The following PML variants were observed in gnomAD, a reference collection of about 807,000 sequenced individuals.
PML encodes the protein PML nuclear body scaffold, also known as protein PML.
Under a neutral mutation model 65.2 loss-of-function variants are expected in PML, and 28 were observed. The observed-to-expected ratio is 0.43, with a 90% CI of 0.32 to 0.59. The LOEUF (loss-of-function observed/expected upper bound fraction) is 0.59, where lower values mean the gene tolerates loss of function less well. Ranked by LOEUF, PML falls within the 20% of genes least tolerant of loss-of-function variation. The probability of loss-of-function intolerance (pLI) is 0.08; values close to 1 mark genes in which losing one functional copy is unlikely to be tolerated. For missense variants in PML, 1,021 were observed against 1,203.4 expected, an observed-to-expected ratio of 0.85 and a Z score of 2.24; for synonymous variants, 500 against 508.8, an observed-to-expected ratio of 0.98 and a Z score of 0.23.
rs767871709 is a variant in PML at position 74,033,194 on chromosome 15, C to T, written c.1437C>T (p.Cys479=). The T allele has an allele frequency of 2.5e-5, 40 of 1,614,040 alleles. No individual in the cohort carries two copies. In the South Asian group the frequency reaches 4.1e-4, roughly 16 times the overall value. The change falls in exon 6 of 9, where the codon TGC becomes TGT. Residue 479 remains cysteine, a synonymous_variant. Transcript: ENST00000268058. ...SNTTTAQKRK[C]SQTQCPRKVI... is the part of the protein sequence containing the mutation. ...CAACGACAGCCCAGAAGAGGAAGTGCAGCCAGACCCAGTGCCCCAGGAAGG... is the reference window on the plus strand; with the variant it reads ...CAACGACAGCCCAGAAGAGGAAGTGTAGCCAGACCCAGTGCCCCAGGAAGG...
rs1314492443 is a variant in PML at position 74,013,425 on chromosome 15, T to C, written c.603-9403T>C. 1.3e-5 allele frequency among the ~76,000 whole-genome samples: 2 copies of C among 152,222 alleles called. 1 individual carries two copies. Among genetic ancestry groups the C allele is most frequent in the Non-Finnish European group, 2.9e-5 (2 of 68,042 alleles). On this transcript the variant is annotated intron_variant, in intron 2 of 8. Coordinates refer to ENST00000268058, the MANE Select transcript of PML (RefSeq NM_033238.3). ...TGATACATATTTTTATAAAAGTGCT[T>C]GAGAATATCAGAATTATTTATGTCA...
In PML at chr15:74,018,461, C is replaced by A. The variant is rs930321715; in HGVS notation, c.603-4367C>A. On this transcript the variant is annotated intron_variant, in intron 2 of 8. Coordinates refer to ENST00000268058, the MANE Select transcript of PML (RefSeq NM_033238.3). Reference sequence around the variant, plus strand: ...ATAATCTTATAATATTTAGTCTTATCTCTTAGTAGGTTTTTGTCATTTTCT... The same window carrying A: ...ATAATCTTATAATATTTAGTCTTATATCTTAGTAGGTTTTTGTCATTTTCT... Among the ~76,000 whole-genome samples the A allele has an allele frequency of 5.1e-4, 77 of 151,934 alleles. 1 individual carries two copies. The highest frequency in any genetic ancestry group is 1.7e-3 in the African/African-American group (71 of 41,442).
chr15:74,044,577 G>A lies in PML; in HGVS notation c.2218G>A (p.Glu740Lys), dbSNP rs745678082. Residue 740 changes from glutamate (E) to lysine (K), a missense_variant, in exon 9 of 9, where the codon GAG becomes AAG. Glu to Lys is a moderately conservative substitution (Grantham distance 56, BLOSUM62 1). Transcript: ENST00000268058. ...GACCTACCTGGCGAGAAACATGAGC[G>A]AGCGCAGCGCCATGGCTGCCGTGCT... ...AQTYLARNMS[E>K]RSAMAAVLAM... 1.1e-5 allele frequency: 17 copies of A among 1,610,838 alleles called. No homozygotes were observed. Among genetic ancestry groups the A allele is most frequent in the East Asian group, 4.5e-5 (2 of 44,894 alleles).
intron 2 of PML, among the ~76,000 whole-genome samples, chr15:74,006,025 A>G (rs1301606784): frequency 2.0e-5 from 3 of 152,098 alleles, no homozygotes; most frequent in Non-Finnish European, 4.4e-5. Context: ...ATAGAAAAAA[A>G]CCTTTTGTCT....
chr15:74,001,448 T>C (rs1323110606), intron 2 of PML, among the ~76,000 whole-genome samples: 2 of 152,086 alleles, frequency 1.3e-5, no homozygotes, highest in Non-Finnish European at 2.9e-5. Flanking sequence ...CAAGTGATTC[T>C]CCTGCCTCAG....
chr15:74,005,593 C>CT (rs71137371), intron 2 of PML, among the ~76,000 whole-genome samples: 76,063 of 147,874 alleles, frequency 0.51, 19,679 homozygotes, highest in Non-Finnish European at 0.58. Flanking sequence ...CCCCAGCAAT[C>CT]TTTTTTTTTT....
chr15:74,004,423 T>G (rs2069935173), intron 2 of PML, among the ~76,000 whole-genome samples: 1 of 152,004 alleles, frequency 6.6e-6, no homozygotes. Flanking sequence ...AGCCTTAGTC[T>G]CTGAGTAGCT....
At chr15:74,018,875 C>G (rs12324082) in intron 2 of PML, among the ~76,000 whole-genome samples, 14,353 of 152,264 alleles carry the variant, frequency 0.094, 827 homozygotes, top group East Asian at 0.19. Flanking sequence ...ACGGTTAAGT[C>G]TGGGTTCTTG....
At chr15:74,010,185 ATTTTTT>A (rs536738558) in intron 2 of PML, among the ~76,000 whole-genome samples, 24 of 77,936 alleles carry the variant, frequency 3.1e-4, no homozygotes, top group African/African-American at 1.0e-3. Flanking sequence ...TGCCCAGCTA[ATTTTTT>A]TTTTTTTTTT....
intron 7 of PML, among the ~76,000 whole-genome samples, chr15:74,038,224 T>A (rs1479741326): frequency 2.0e-5 from 3 of 152,120 alleles, no homozygotes; most frequent in African/African-American, 7.2e-5. Context: ...GAGAACAGGT[T>A]TGGAGTGCCA....
At position 74,033,406 on chromosome 15, in the gene PML, G is replaced by A. The variant is rs146326362; in HGVS notation, c.1649G>A (p.Gly550Glu). ...PNSNHVASGA[G>E]EAEERVVVIS... ...AGCAACCACGTGGCCAGTGGCGCCG[G>A]GGAGGCAGGTAGGGAGGTGGGTAGG... The change falls in exon 6 of 9, where the codon GGG becomes GAG. Residue 550 changes from glycine to glutamate, a missense_variant. Transcript: ENST00000268058. 28 of 1,612,300 alleles carry A rather than the reference G, an allele frequency of 1.7e-5. No individual in the cohort carries two copies. Among genetic ancestry groups the A allele is most frequent in the Admixed American group, 1.0e-4 (6 of 60,016 alleles).
Position 74,042,950 on chromosome 15 carries a change from C to T in PML, c.1711-39C>T. ...TGTTCTGCACAGGTGCTTGCCTTGG[C>T]CCTCTGAATCCCTGACGCTTGGTTT... is the stretch of plus-strand genomic sequence containing the variant. On this transcript the variant is annotated intron_variant, in intron 7 of 8. Transcript: ENST00000268058. This position sits in a 1 kb window ranked among gnomAD's most constrained non-coding sequence, Gnocchi z 5.3. 1 of 1,612,688 alleles carries T rather than the reference C, an allele frequency of 6.2e-7. No homozygotes were observed. The highest frequency in any genetic ancestry group is 8.5e-7 in the Non-Finnish European group (1 of 1,179,982).
At position 74,046,401 on chromosome 15, in the gene PML, G is replaced by C. The variant is rs1368454788; in HGVS notation, c.*1393G>C. 3 of 232,872 alleles carry C rather than the reference G, an allele frequency of 1.3e-5. No homozygotes were observed. Among genetic ancestry groups the C allele is most frequent in the Non-Finnish European group, 2.5e-5 (3 of 117,912 alleles). 14.4% of individuals were successfully genotyped at this position (232,872 alleles called of 1,614,324 possible). On this transcript the variant is annotated 3_prime_UTR_variant, in exon 9 of 9. Coordinates refer to ENST00000268058, the MANE Select transcript of PML (RefSeq NM_033238.3). ...CTGGGATGCTTCCCAAGCAGCCCAG[G>C]CCTCTAGCCTCCATGGCTGATGACC...
chr15:74,039,689 G>A (rs1366461809), intron 7 of PML, among the ~76,000 whole-genome samples: 2 of 152,170 alleles, frequency 1.3e-5, no homozygotes, highest in Non-Finnish European at 2.9e-5. Flanking sequence ...TGCAGCCTGG[G>A]CCTCAGTTTT....
intron 2 of PML, among the ~76,000 whole-genome samples, chr15:74,006,051 G>A (rs930991044): frequency 6.6e-6 from 1 of 152,114 alleles, no homozygotes; most frequent in East Asian, 1.9e-4. Flanking sequence ...CATTTTAGAT[G>A]TCCAGCTAGG....
intron 2 of PML, among the ~76,000 whole-genome samples, chr15:74,020,902 C>A (rs2070807811): frequency 6.6e-6 from 1 of 152,178 alleles, no homozygotes. Flanking sequence ...CCTGCCCTTT[C>A]CTTTGAAAGG....
intron 7 of PML, among the ~76,000 whole-genome samples, chr15:74,039,593 C>T (rs1243097846): frequency 6.6e-6 from 1 of 152,198 alleles, no homozygotes; most frequent in African/African-American, 2.4e-5. Flanking sequence ...GACAATTGTT[C>T]TCAAGCTGGC....
chr15:74,043,489 C>T lies in PML; in HGVS notation c.1861+350C>T. On this transcript the variant is annotated intron_variant, in intron 8 of 8. Transcript: ENST00000268058. The surrounding 1 kb of genome is among the most constrained non-coding windows in gnomAD (Gnocchi z 4.3). The stretch of plus-strand genomic sequence containing the variant: ...CGTGAGCCCTGTCATCCAAGTAAGG[C>T]CTCTGGCTGTGCTACACGTTTCTGA... 1.0e-6 allele frequency: 1 copy of T among 984,166 alleles called. No individual in the cohort carries two copies. The highest frequency in any genetic ancestry group is 1.4e-6 in the Non-Finnish European group (1 of 719,016). The allele number at this position is 984,166 out of a possible 1,614,324, so 61.0% of individuals were successfully genotyped here.
chr15:74,032,727 C>T lies in PML; in HGVS notation c.1398+12C>T, dbSNP rs1325159938. The T allele has an allele frequency of 6.2e-7, 1 of 1,614,026 alleles. No homozygotes were observed. Among genetic ancestry groups the T allele is most frequent in the Non-Finnish European group, 8.5e-7 (1 of 1,179,910 alleles). On this transcript the variant is annotated intron_variant, in intron 5 of 8. Coordinates refer to ENST00000268058, the MANE Select transcript of PML (RefSeq NM_033238.3). ...CTTCCTATGGAGAGGTAAGGTTCTC[C>T]CCAGCCCCAGCCTTCCCTCCTGAAG...
Sources: allele counts gnomAD v4.1 joint callset (sites outside exome capture counted in the v4.1 genomes callset), GRCh38; gene constraint gnomAD v4.1.1; non-coding constraint Gnocchi (gnomAD v3.1); transcripts MANE v1.5; gene names NCBI Gene and HGNC (gene_info 2026-07-23, HGNC 2026-07-21).